The following PDE1C variants were observed in gnomAD, a reference collection of about 807,000 sequenced individuals.
PDE1C encodes dual specificity calcium/calmodulin-dependent 3',5'-cyclic nucleotide phosphodiesterase 1C.
In PDE1C, 62 loss-of-function variants were observed where a neutral mutation model predicts 93.1. The observed-to-expected ratio is 0.67, with a 90% CI of 0.54 to 0.82. The LOEUF is 0.82. PDE1C is among the 40% of genes least tolerant of loss of function. The pLI, the probability that PDE1C is intolerant of heterozygous loss-of-function variation, is 0.00. For missense variants in PDE1C, 742 were observed against 884.6 expected (o/e 0.84, Z 2.04); for synonymous variants, 325 against 310.1 (o/e 1.05, Z -0.50).
At chr7:32,265,822 C>G (rs142004955) in intron 1 of PDE1C, among the ~76,000 whole-genome samples, 41 of 152,256 alleles carry the variant, frequency 2.7e-4, no homozygotes, top group African/African-American at 9.9e-4. Context: ...AGGAAGACAT[C>G]ACTTCCAATG....
the PDE1C span, among the ~76,000 whole-genome samples, chr7:31,712,667 T>C: frequency 1.3e-5 from 2 of 152,184 alleles, no homozygotes; most frequent in Admixed American, 6.5e-5. Context: ...TTCATGCTGC[T>C]AATGAAGACA....
At chr7:31,881,685 G>C (rs1797266968) in intron 2 of PDE1C, among the ~76,000 whole-genome samples, 1 of 152,108 alleles carries the variant, frequency 6.6e-6, no homozygotes, top group Non-Finnish European at 1.5e-5. Context: ...GACGAACTGG[G>C]GTTTGAAGCT....
At chr7:32,421,584 A>G (rs975354145) in intron 1 of PDE1C, among the ~76,000 whole-genome samples, 5 of 152,222 alleles carry the variant, frequency 3.3e-5, no homozygotes, top group African/African-American at 1.2e-4. Flanking sequence ...ATGGGAGCCA[A>G]TGATCGAGAT....
intron 2 of PDE1C, among the ~76,000 whole-genome samples, chr7:31,965,177 T>TG (rs1447785396): frequency 6.6e-6 from 1 of 151,532 alleles, no homozygotes; most frequent in Non-Finnish European, 1.5e-5. Flanking sequence ...AGGAGGAAGT[T>TG]CGAACCAATG....
chr7:31,812,575 T>C (rs929349320), intron 15 of PDE1C, among the ~76,000 whole-genome samples: 2 of 152,166 alleles, frequency 1.3e-5, no homozygotes, highest in African/African-American at 4.8e-5. Flanking sequence ...TATGATATTA[T>C]GTAGAATTCA....
chr7:31,798,684 T>C (rs1785610321), intron 16 of PDE1C, among the ~76,000 whole-genome samples: 1 of 151,708 alleles, frequency 6.6e-6, no homozygotes, highest in Admixed American at 6.6e-5. Context: ...TTAAAGGAAT[T>C]ACAAAATTCT....
chr7:32,291,035 G>A (rs929173487), intron 1 of PDE1C, among the ~76,000 whole-genome samples: 6 of 152,002 alleles, frequency 3.9e-5, no homozygotes, highest in Non-Finnish European at 5.9e-5. Context: ...AAACATTTAC[G>A]TAGAACTTAC....
At chr7:32,405,150 C>T (rs576849980) in intron 1 of PDE1C, among the ~76,000 whole-genome samples, 2 of 152,150 alleles carry the variant, frequency 1.3e-5, no homozygotes, top group Non-Finnish European at 2.9e-5. Context: ...GAACCTCAAA[C>T]CCAAACAACA....
chr7:31,649,922 G>A, the PDE1C span, among the ~76,000 whole-genome samples: 3 of 152,182 alleles, frequency 2.0e-5, no homozygotes, highest in Non-Finnish European at 4.4e-5. Flanking sequence ...TTTGTGCAGA[G>A]GTGATTTGGG....
intron 1 of PDE1C, among the ~76,000 whole-genome samples, chr7:32,254,103 C>T (rs1045617030): frequency 6.6e-6 from 1 of 152,096 alleles, no homozygotes; most frequent in Admixed American, 6.5e-5. Flanking sequence ...CGATACGGGG[C>T]GTATCAGAGG....
At chr7:32,399,890 C>T (rs1272176480) in intron 1 of PDE1C, among the ~76,000 whole-genome samples, 3 of 152,028 alleles carry the variant, frequency 2.0e-5, no homozygotes, top group Non-Finnish European at 4.4e-5. Flanking sequence ...GGCCTGACTT[C>T]ATTTAACCTT....
the PDE1C span, among the ~76,000 whole-genome samples, chr7:31,649,776 T>C: frequency 6.6e-6 from 1 of 152,122 alleles, no homozygotes; most frequent in Non-Finnish European, 1.5e-5. Flanking sequence ...TGGTAAGAAC[T>C]CAGCAAGTCA....
chr7:32,056,452 G>A (rs1355849576), intron 1 of PDE1C, among the ~76,000 whole-genome samples: 3 of 149,534 alleles, frequency 2.0e-5, no homozygotes, highest in African/African-American at 7.4e-5. Flanking sequence ...AGGCATTACA[G>A]CATACTGCTC....
intron 1 of PDE1C, among the ~76,000 whole-genome samples, chr7:32,066,887 C>T (rs1243236615): frequency 6.6e-6 from 1 of 152,210 alleles, no homozygotes; most frequent in Non-Finnish European, 1.5e-5. Flanking sequence ...AAGAGGACAG[C>T]ATCCCTCTGA....
At chr7:31,711,111 G>A in the PDE1C span, among the ~76,000 whole-genome samples, 1 of 152,162 alleles carries the variant, frequency 6.6e-6, no homozygotes. Flanking sequence ...ACAGAAAATA[G>A]AAGACAATTT....
At chr7:32,291,352 A>G (rs1812316976) in intron 1 of PDE1C, among the ~76,000 whole-genome samples, 1 of 152,262 alleles carries the variant, frequency 6.6e-6, no homozygotes, top group Non-Finnish European at 1.5e-5. Context: ...TCTTACATTT[A>G]TTCTTTCTAA....
At chr7:31,886,506 G>T (rs1797893346) in intron 2 of PDE1C, among the ~76,000 whole-genome samples, 1 of 152,138 alleles carries the variant, frequency 6.6e-6, no homozygotes, top group African/African-American at 2.4e-5. Context: ...AATACAAAGT[G>T]GGGAAATGCA....
intron 3 of PDE1C, among the ~76,000 whole-genome samples, chr7:32,167,758 C>A (rs995596556): frequency 2.0e-5 from 3 of 152,092 alleles, no homozygotes; most frequent in Non-Finnish European, 2.9e-5. Flanking sequence ...TCCAAATGCC[C>A]TCCAAGCGTG....
upstream of PDE1C, among the ~76,000 whole-genome samples, chr7:32,303,763 C>T (rs1180484356): frequency 6.6e-6 from 1 of 152,018 alleles, no homozygotes; most frequent in Non-Finnish European, 1.5e-5. Context: ...TTCTTTGGCT[C>T]CCTGTTCATT....
Sources: allele counts gnomAD v4.1 joint callset (sites outside exome capture counted in the v4.1 genomes callset), GRCh38; gene constraint gnomAD v4.1.1; transcripts MANE v1.5; gene names NCBI Gene and HGNC (gene_info 2026-07-23, HGNC 2026-07-21).